TRIM36: variants seen among roughly 807,000 people sequenced by gnomAD.
TRIM36 encodes the protein tripartite motif containing 36.
TRIM36 carries 42 observed loss-of-function variants against 72.4 expected under a neutral mutation model. The observed-to-expected ratio is 0.58, with a 90% CI of 0.45 to 0.75. The LOEUF (loss-of-function observed/expected upper bound fraction) is 0.75. TRIM36 is among the 30% of genes least tolerant of loss of function. The pLI is 0.00. For synonymous variants in TRIM36, 315 were observed against 282.8 expected (o/e 1.11, Z -1.14); for missense variants, 913 against 857.1 (o/e 1.07, Z -0.81).
At chr5:115,142,304 C>G (rs1753320662) in intron 4 of TRIM36, among the ~76,000 whole-genome samples, 2 of 152,052 alleles carry the variant, frequency 1.3e-5, no homozygotes, top group African/African-American at 4.8e-5. Flanking sequence ...AGTAAAATGG[C>G]AATTCTAATA....
intron 1 of TRIM36, among the ~76,000 whole-genome samples, chr5:115,176,939 T>A (rs1172879662): frequency 1.3e-5 from 2 of 152,228 alleles, no homozygotes; most frequent in South Asian, 4.1e-4. Context: ...TTATGCAGTA[T>A]TGTTTGATGA....
chr5:115,165,543 TG>T (rs1489662471), intron 1 of TRIM36, among the ~76,000 whole-genome samples: 2 of 152,194 alleles, frequency 1.3e-5, no homozygotes, highest in Non-Finnish European at 1.5e-5. Context: ...CAACTGGTAC[TG>T]GAACAGCTGG....
chr5:115,137,854 C>A (rs1753046397), intron 5 of TRIM36, among the ~76,000 whole-genome samples: 1 of 152,188 alleles, frequency 6.6e-6, no homozygotes, highest in African/African-American at 2.4e-5. Context: ...CAACTGACAA[C>A]TTTTATTCAG....
At chr5:115,133,810 G>C in intron 8 of TRIM36, 50 bp downstream of exon 8, 1 of 1,507,966 alleles carries the variant, frequency 6.6e-7, no homozygotes, top group African/African-American at 1.4e-5. Flanking sequence ...TTTTATCAAG[G>C]TCTCTTGCAA....
chr5:115,155,181 C>T (rs1754107105), intron 2 of TRIM36, among the ~76,000 whole-genome samples: 1 of 149,662 alleles, frequency 6.7e-6, no homozygotes, highest in Non-Finnish European at 1.5e-5. Flanking sequence ...AAGAGCAAAA[C>T]ACTGTTTAAA....
chr5:115,161,900 G>A (rs900979447), intron 2 of TRIM36, among the ~76,000 whole-genome samples: 12 of 152,148 alleles, frequency 7.9e-5, no homozygotes, highest in East Asian at 3.8e-4. Flanking sequence ...TAATGCACCC[G>A]TTTGGCCCTG....
intron 9 of TRIM36, among the ~76,000 whole-genome samples, chr5:115,130,263 G>C (rs1752604087): frequency 6.6e-6 from 1 of 152,208 alleles, no homozygotes; most frequent in Non-Finnish European, 1.5e-5. Flanking sequence ...TGTGAAGTAT[G>C]ACAATCAGAC....
intron 2 of TRIM36, among the ~76,000 whole-genome samples, chr5:115,157,709 C>T (rs1229248813): frequency 2.0e-5 from 3 of 152,058 alleles, no homozygotes; most frequent in East Asian, 1.9e-4. Flanking sequence ...GTTGCAAAAA[C>T]GTGGAAAAAA....
chr5:115,143,244 A>C (rs1000840518), intron 4 of TRIM36, among the ~76,000 whole-genome samples: 1 of 149,874 alleles, frequency 6.7e-6, no homozygotes, highest in East Asian at 2.0e-4. Flanking sequence ...AAAAAAAAAA[A>C]AAAAACAAAT....
chr5:115,128,535 G>A, intron 9 of TRIM36, among the ~76,000 whole-genome samples: 1 of 150,824 alleles, frequency 6.6e-6, no homozygotes, highest in East Asian at 1.9e-4. Context: ...GGTGGATCAT[G>A]AGGTCAGGAG....
At chr5:115,139,117 C>CA (rs1450047949) in intron 5 of TRIM36, among the ~76,000 whole-genome samples, 4 of 143,878 alleles carry the variant, frequency 2.8e-5, no homozygotes, top group Admixed American at 7.0e-5. Context: ...CTGCACCCAG[C>CA]TTTTTTTTTT....
At chr5:115,146,825 T>C (rs1448219617) in intron 3 of TRIM36, among the ~76,000 whole-genome samples, 2 of 152,198 alleles carry the variant, frequency 1.3e-5, no homozygotes, top group African/African-American at 2.4e-5. Flanking sequence ...CATGCATTTA[T>C]TGTATTATAT....
intron 2 of TRIM36, among the ~76,000 whole-genome samples, chr5:115,156,727 C>G (rs1450156327): frequency 6.6e-6 from 1 of 152,082 alleles, no homozygotes. Flanking sequence ...GAAGATAACA[C>G]TGAAAAAACC....
intron 2 of TRIM36, among the ~76,000 whole-genome samples, chr5:115,162,146 T>C (rs1580697439): frequency 6.6e-6 from 1 of 152,190 alleles, no homozygotes; most frequent in Non-Finnish European, 1.5e-5. Context: ...AGTCACCCCT[T>C]CTCATCTCCT....
rs1456611803 is a variant in TRIM36, at chr5:115,147,098, C to G, written c.559G>C (p.Val187Leu). The G allele has an allele frequency of 6.2e-7, 1 of 1,613,860 alleles. No homozygotes were observed. The highest frequency in any genetic ancestry group is 1.3e-5 in the African/African-American group (1 of 74,948). Residue 187 changes from valine (V) to leucine (L), a missense_variant, in exon 3 of 10, where the codon GTT (valine) becomes CTT (leucine). Val to Leu is a conservative substitution (Grantham distance 32). Coordinates refer to ENST00000513154, the MANE Select transcript of TRIM36 (RefSeq NM_001300759.2). Reference sequence around the variant, plus strand: ...GGTCTGAAGTTAGTAGTTGGACCAACATACTCATGTTGAGCTTTTATAGTA... The same window carrying G: ...GGTCTGAAGTTAGTAGTTGGACCAAGATACTCATGTTGAGCTTTTATAGTA... ...WGTIKAQHEY[V>L]GPTTNFRPKI...
At chr5:115,170,203 G>T (rs938834599), upstream of TRIM36, among the ~76,000 whole-genome samples, 3 of 146,110 alleles carry the variant, frequency 2.1e-5, no homozygotes, top group African/African-American at 4.9e-5. Context: ...TCTGAGGAAC[G>T]GAAGTGAGGG....
chr5:115,161,297 G>A (rs150617977), intron 2 of TRIM36, among the ~76,000 whole-genome samples: 241 of 152,282 alleles, frequency 1.6e-3, no homozygotes, highest in African/African-American at 5.6e-3. Context: ...TTGAATGAAT[G>A]AATGAATGCC....
At position 115,134,006 on chromosome 5, in the gene TRIM36, C is replaced by T. The variant is rs1752828123; in HGVS notation, c.1352G>A (p.Trp451Ter). ...TGTTCCACACACTTCTATCTCATTC[C>T]ATGACATTTCATCATCTCTATTGAT... ...RKINRDDEMS[W>*]NEIEVCGTSK... The change falls in exon 8 of 10, where the codon TGG becomes TAG. Residue 451 changes from tryptophan (W) to a stop codon, truncating the protein, a stop_gained. Coordinates refer to ENST00000513154, the MANE Select transcript of TRIM36 (RefSeq NM_001300759.2). LOFTEE classifies it high-confidence loss of function. 1 of 1,613,926 alleles carries T rather than the reference C, an allele frequency of 6.2e-7. No homozygotes were observed. Among genetic ancestry groups the T allele is most frequent in the Non-Finnish European group, 8.5e-7 (1 of 1,179,938 alleles).
At chr5:115,162,949 A>C (rs1754560697) in intron 2 of TRIM36, among the ~76,000 whole-genome samples, 1 of 151,428 alleles carries the variant, frequency 6.6e-6, no homozygotes. Flanking sequence ...ATTCCTAAAG[A>C]CAAACATAGC....
Sources: allele counts gnomAD v4.1 joint callset (sites outside exome capture counted in the v4.1 genomes callset), GRCh38; gene constraint gnomAD v4.1.1; transcripts MANE v1.5; gene names NCBI Gene and HGNC (gene_info 2026-07-23, HGNC 2026-07-21).